The following STK10 variants were observed in gnomAD, a reference collection of about 807,000 sequenced individuals.
The protein encoded by STK10 is serine/threonine kinase 10.
STK10 carries 78 observed loss-of-function variants against 113.8 expected under a neutral mutation model. The ratio of observed to expected loss-of-function variants is 0.69; its 90% CI spans 0.57 to 0.83. STK10 has a LOEUF of 0.83. Ranked by LOEUF, STK10 falls within the 40% of genes least tolerant of loss-of-function variation. The pLI is 0.00. For missense variants in STK10, 1,109 were observed against 1,280.1 expected (o/e 0.87, Z 2.04); for synonymous variants, 465 against 494.7 (o/e 0.94, Z 0.80).
chr5:172,139,068 C>T (rs901175777), intron 2 of STK10, among the ~76,000 whole-genome samples: 4 of 152,050 alleles, frequency 2.6e-5, no homozygotes, highest in Admixed American at 6.6e-5. Context: ...GAAGACATCC[C>T]AGCTTTATGG....
chr5:172,136,204 T>C (rs985991355), intron 2 of STK10, among the ~76,000 whole-genome samples: 2 of 152,004 alleles, frequency 1.3e-5, no homozygotes, highest in African/African-American at 2.4e-5. Flanking sequence ...CTAGATGAAA[T>C]AGAAAAATTC....
At chr5:172,087,966 C>T (rs1768609525) in intron 10 of STK10, among the ~76,000 whole-genome samples, 1 of 151,930 alleles carries the variant, frequency 6.6e-6, no homozygotes, top group East Asian at 1.9e-4. Context: ...TGCTCTGTTA[C>T]CCAGGCTGGA....
rs1561839536 is a variant in STK10, at chr5:172,187,948, G to C, written c.95C>G (p.Pro32Arg). The C allele has an allele frequency of 6.2e-7, 1 of 1,613,664 alleles. No individual in the cohort carries two copies. The highest frequency in any genetic ancestry group is 8.5e-7 in the Non-Finnish European group (1 of 1,179,846). The change falls in exon 1 of 19, where the codon CCC becomes CGC. Residue 32 changes from proline (P) to arginine (R), a missense_variant. By Grantham distance (103) the Pro-to-Arg change is moderately radical. Transcript: ENST00000176763. This position sits in a 1 kb window ranked among gnomAD's most constrained non-coding sequence, Gnocchi z 4.6. ...GCCCACGATCTCCCACACCTCGTTG[G>C]GGTCCAGGTCGCGGCGGACGTGCTC... ...EYEHVRRDLD[P>R]NEVWEIVGEL...
intron 3 of STK10, among the ~76,000 whole-genome samples, chr5:172,126,312 C>T (rs1769617111): frequency 6.6e-6 from 1 of 152,224 alleles, no homozygotes; most frequent in Admixed American, 6.5e-5. Context: ...TGCCTGTAAT[C>T]CCAGCGCTTT....
intron 2 of STK10, among the ~76,000 whole-genome samples, chr5:172,154,344 C>T (rs569038571): frequency 1.1e-4 from 16 of 152,266 alleles, no homozygotes; most frequent in African/African-American, 3.6e-4. Context: ...ACAACATGGC[C>T]CCCAATTACT....
intron 17 of STK10, among the ~76,000 whole-genome samples, chr5:172,054,291 G>A (rs185634382): frequency 8.5e-5 from 13 of 152,152 alleles, no homozygotes; most frequent in African/African-American, 1.9e-4. Flanking sequence ...TGCCAGCTCC[G>A]TCACTTCATT....
At chr5:172,117,402 C>T in intron 4 of STK10, 79 bp downstream of exon 4, 2 of 1,566,086 alleles carry the variant, frequency 1.3e-6, no homozygotes, top group South Asian at 2.3e-5. Context: ...GTCCACACTC[C>T]CACTGGCCTG....
intron 4 of STK10, among the ~76,000 whole-genome samples, chr5:172,111,968 T>C (rs1769246525): frequency 6.6e-6 from 1 of 152,238 alleles, no homozygotes; most frequent in South Asian, 2.1e-4. Context: ...CTATAATATA[T>C]ATGGATGCTT....
rs989084223 is a variant in STK10, at chr5:172,133,037, A to T, written c.322-5616T>A. ...GGAAGGGTAAAGGCACTCCTGGCAG[A>T]ACACAGAAGCAGAGGTGGGGCAGCA... On this transcript the variant is annotated intron_variant, in intron 2 of 18. Coordinates refer to ENST00000176763, the MANE Select transcript of STK10 (RefSeq NM_005990.4). The surrounding 1 kb of genome is among the most constrained non-coding windows in gnomAD (Gnocchi z 4.9). Among the ~76,000 whole-genome samples the T allele has an allele frequency of 6.6e-6, 1 of 152,228 alleles. No homozygotes were observed. The highest frequency in any genetic ancestry group is 2.4e-5 in the African/African-American group (1 of 41,466).
chr5:172,155,647 A>G (rs1187724818), intron 2 of STK10, among the ~76,000 whole-genome samples: 1 of 152,126 alleles, frequency 6.6e-6, no homozygotes, highest in African/African-American at 2.4e-5. Flanking sequence ...AATGCCCAAC[A>G]GTAGAGAAGG....
In STK10 at chr5:172,120,489, T is replaced by TAGA. The variant is rs1769488431; in HGVS notation, c.371-2860_371-2859insTCT. On this transcript the variant is annotated intron_variant, in intron 3 of 18. Transcript: ENST00000176763. The surrounding 1 kb of genome is among the most constrained non-coding windows in gnomAD (Gnocchi z 4.0). ...TCCCTGTGGCCTCATCCTGAACCTC[T>TAGA]GTGTCTCCAGCCAGGGGCCAGGATC... Among the ~76,000 whole-genome samples the TAGA allele has an allele frequency of 6.6e-6, 1 of 152,114 alleles. No individual in the cohort carries two copies.
At chr5:172,111,102 T>C (rs1454747411) in intron 4 of STK10, among the ~76,000 whole-genome samples, 1 of 152,092 alleles carries the variant, frequency 6.6e-6, no homozygotes, top group Non-Finnish European at 1.5e-5. Flanking sequence ...GAAACCCAGG[T>C]AGAGCCTGGC....
At chr5:172,149,805 G>T (rs1770173202) in intron 2 of STK10, among the ~76,000 whole-genome samples, 2 of 152,000 alleles carry the variant, frequency 1.3e-5, no homozygotes, top group South Asian at 4.1e-4. Context: ...CAACACTTTG[G>T]GAGGCCGAGG....
chr5:172,164,707 G>A (rs185988196), intron 1 of STK10, among the ~76,000 whole-genome samples: 5 of 152,290 alleles, frequency 3.3e-5, no homozygotes, highest in Admixed American at 2.0e-4. Flanking sequence ...GATGAGAGCC[G>A]TCTTAGGGAG....
At chr5:172,045,485 A>G (rs1013231762) in intron 18 of STK10, 12 of 445,506 alleles carry the variant, frequency 2.7e-5, no homozygotes, top group Non-Finnish European at 4.5e-5. Context: ...CTCCATCTCA[A>G]AAACAAAAAC....
At chr5:172,148,263 T>C (rs188482441) in intron 2 of STK10, among the ~76,000 whole-genome samples, 2 of 152,204 alleles carry the variant, frequency 1.3e-5, no homozygotes, top group Admixed American at 1.3e-4. Flanking sequence ...AATCCCACTC[T>C]GTGCATGATC....
intron 12 of STK10, among the ~76,000 whole-genome samples, chr5:172,065,179 T>C (rs1768042762): frequency 6.6e-6 from 1 of 151,810 alleles, no homozygotes; most frequent in East Asian, 1.9e-4. Context: ...CCCTAATCCC[T>C]CTCCCCCCAT....
intron 1 of STK10, among the ~76,000 whole-genome samples, chr5:172,168,083 A>C (rs1279685394): frequency 6.6e-6 from 1 of 152,152 alleles, no homozygotes; most frequent in African/African-American, 2.4e-5. Flanking sequence ...TGTGGGTCAG[A>C]GCCAAAGGAC....
intron 10 of STK10, 22 bp from the exon 11 acceptor site, chr5:172,083,106 A>G: frequency 1.2e-6 from 2 of 1,613,342 alleles, no homozygotes; most frequent in Non-Finnish European, 1.7e-6. Flanking sequence ...AAGGATACAG[A>G]TATTTCACAG....
Sources: allele counts gnomAD v4.1 joint callset (sites outside exome capture counted in the v4.1 genomes callset), GRCh38; gene constraint gnomAD v4.1.1; non-coding constraint Gnocchi (gnomAD v3.1); transcripts MANE v1.5; gene names NCBI Gene and HGNC (gene_info 2026-07-23, HGNC 2026-07-21).